The following IPO11 variants were observed in gnomAD, a reference collection of about 807,000 sequenced individuals.
IPO11 encodes the protein importin 11.
A neutral mutation model predicts 143.2 loss-of-function variants in IPO11; 66 were observed. The ratio of observed to expected loss-of-function variants is 0.46; its 90% confidence interval spans 0.38 to 0.57. IPO11 has a LOEUF of 0.57. IPO11 is among the 20% of genes least tolerant of loss of function. The pLI is 0.00. For missense variants in IPO11, 1,026 were observed against 1,141.0 expected, an observed-to-expected ratio of 0.90 and a Z score of 1.45; for synonymous variants, 385 against 377.8, an observed-to-expected ratio of 1.02 and a Z score of -0.22.
chr5:62,474,320 G>T, intron 7 of IPO11, 96 bp from the exon 8 acceptor site: 1 of 696,482 alleles, frequency 1.4e-6, no homozygotes, highest in Non-Finnish European at 2.3e-6. Flanking sequence ...ATTTTTTTAA[G>T]TGATGTGATA....
chr5:62,624,122 C>T (rs1033231182), intron 29 of IPO11, among the ~76,000 whole-genome samples: 1 of 152,060 alleles, frequency 6.6e-6, no homozygotes, highest in Non-Finnish European at 1.5e-5. Context: ...ACAACCTCCA[C>T]CTCCCGGGTT....
intron 26 of IPO11, among the ~76,000 whole-genome samples, chr5:62,551,968 C>G (rs1743402572): frequency 6.6e-6 from 1 of 151,918 alleles, no homozygotes; most frequent in African/African-American, 2.4e-5. Context: ...ACTAAAAATA[C>G]AAAAAATTAG....
At chr5:62,613,980 A>G (rs1356846900) in intron 29 of IPO11, among the ~76,000 whole-genome samples, 4 of 152,188 alleles carry the variant, frequency 2.6e-5, no homozygotes, top group African/African-American at 9.7e-5. Flanking sequence ...TAATTTTTGC[A>G]TGAACCCTTG....
At position 62,470,816 on chromosome 5, in the gene IPO11, C is replaced by CTTTTTTTTTTTTTTTTTTTTTTT. The variant is rs70981015; in HGVS notation, c.708+515_708+537dup. ...TTCATTGTCTGTAGATAGCCATCTTCTTTTTTTTTTTTTTTTTTTTTTTTT... is the reference window on the plus strand; with the variant it reads ...TTCATTGTCTGTAGATAGCCATCTTCTTTTTTTTTTTTTTTTTTTTTTTTTTTTTTTTTTTTTTTTTTTTTTTT... On this transcript the variant is annotated intron_variant, in intron 7 of 29. Coordinates refer to ENST00000325324, the MANE Select transcript of IPO11 (RefSeq NM_016338.5). Among the ~76,000 whole-genome samples, 14 of 62,560 alleles carry CTTTTTTTTTTTTTTTTTTTTTTT rather than the reference C, an allele frequency of 2.2e-4. 2 individuals are homozygous for CTTTTTTTTTTTTTTTTTTTTTTT. Among genetic ancestry groups the CTTTTTTTTTTTTTTTTTTTTTTT allele is most frequent in the Non-Finnish European group, 2.7e-4 (10 of 37,152 alleles). The allele number at this position is 62,560 out of a possible 152,430, so 41.0% of individuals were successfully genotyped here.
chr5:62,463,380 A>C (rs1160415484), intron 5 of IPO11, among the ~76,000 whole-genome samples: 2 of 151,986 alleles, frequency 1.3e-5, no homozygotes, highest in South Asian at 4.1e-4. Context: ...AGGTTTAAAC[A>C]GGGCCAGGCA....
chr5:62,600,781 T>G (rs1333935253), intron 28 of IPO11, among the ~76,000 whole-genome samples: 2 of 152,216 alleles, frequency 1.3e-5, no homozygotes, highest in East Asian at 3.8e-4. Flanking sequence ...TTCTGATTTC[T>G]AGCCTAAGGT....
chr5:62,585,027 G>A (rs1322701479), intron 27 of IPO11, among the ~76,000 whole-genome samples: 1 of 152,128 alleles, frequency 6.6e-6, no homozygotes, highest in Non-Finnish European at 1.5e-5. Flanking sequence ...GAGACCTTAC[G>A]TATATATGTT....
At position 62,551,227 on chromosome 5, in the gene IPO11, A is replaced by G. The variant is rs758688477; in HGVS notation, c.2351A>G (p.Tyr784Cys). 4.4e-6 allele frequency: 7 copies of G among 1,574,110 alleles called. No homozygotes were observed. In the Admixed American group the frequency reaches 5.0e-5, roughly 11 times the overall value. ...VFKGIIEGER[Y>C]PVVMSTYLGV... ...TGTTGTATTTTAATTGTACAGAGGT[A>G]TCCTGTAGTGATGTCCACGTATCTT... Residue 784 changes from tyrosine to cysteine, a missense_variant, in exon 26 of 30, where the codon TAT (tyrosine) becomes TGT (cysteine). Physicochemically the swap from Tyr to Cys is radical, Grantham distance 194. Transcript: ENST00000325324.
rs968355329 is a variant in IPO11, at chr5:62,579,335, G to A, written c.2583-12242G>A. 4 of 991,994 alleles carry A rather than the reference G, an allele frequency of 4.0e-6. No individual in the cohort carries two copies. In the African/African-American group the frequency reaches 6.5e-5, roughly 16 times the overall value. 61.4% of individuals were successfully genotyped at this position (991,994 alleles called of 1,614,324 possible). A position where few individuals can be genotyped will look rare whatever the true frequency, so the allele number is the denominator to read the frequency against. On this transcript the variant is annotated intron_variant, in intron 27 of 29. Coordinates refer to ENST00000325324, the MANE Select transcript of IPO11 (RefSeq NM_016338.5). The stretch of plus-strand genomic sequence containing the variant: ...ATTAAAATAGAATACAGAAGTTATA[G>A]TATTATAAAAAAAATTCATTTGATG...
intron 1 of IPO11, among the ~76,000 whole-genome samples, chr5:62,421,115 A>G (rs1743500403): frequency 1.3e-5 from 2 of 152,182 alleles, no homozygotes; most frequent in African/African-American, 2.4e-5. Flanking sequence ...ATCCCTGATA[A>G]CCAGTGAGAT....
chr5:62,548,793 G>C (rs115683658), intron 24 of IPO11, among the ~76,000 whole-genome samples: 92 of 152,224 alleles, frequency 6.0e-4, no homozygotes, highest in African/African-American at 2.2e-3. Flanking sequence ...TTGGGATTCA[G>C]CTTTCTCTGA....
In IPO11 at chr5:62,419,128, G is replaced by T. The variant is rs762294823; in HGVS notation, c.-7+6199G>T. ...TACTGTAAGCAGTTGTCACAAAATG[G>T]TAAGTATTTGTGTGTTTAAACATGT... On this transcript the variant is annotated intron_variant, in intron 1 of 29. Coordinates refer to ENST00000325324, the MANE Select transcript of IPO11 (RefSeq NM_016338.5). The T allele has an allele frequency of 1.7e-5, 26 of 1,548,472 alleles. No homozygotes were observed. In the East Asian group the frequency reaches 2.7e-4, roughly 16 times the overall value.
chr5:62,588,658 TC>T (rs1744896446), intron 27 of IPO11, among the ~76,000 whole-genome samples: 2 of 152,254 alleles, frequency 1.3e-5, no homozygotes, highest in African/African-American at 4.8e-5. Flanking sequence ...ATTCATACCC[TC>T]AGCTCTTTAA....
intron 19 of IPO11, among the ~76,000 whole-genome samples, chr5:62,515,009 G>T (rs1042711596): frequency 3.3e-5 from 5 of 152,206 alleles, no homozygotes; most frequent in African/African-American, 1.2e-4. Flanking sequence ...GAAGATATTT[G>T]TAGAATGAAT....
At chr5:62,595,606 G>T (rs1393356861) in intron 28 of IPO11, among the ~76,000 whole-genome samples, 1 of 152,042 alleles carries the variant, frequency 6.6e-6, no homozygotes, top group Non-Finnish European at 1.5e-5. Context: ...CAAGATAAAT[G>T]GATAGTCAAC....
chr5:62,446,116 C>T (rs181932828), intron 3 of IPO11, among the ~76,000 whole-genome samples: 193 of 152,232 alleles, frequency 1.3e-3, no homozygotes, highest in Non-Finnish European at 2.5e-3. Context: ...ATCTTGTTTT[C>T]TCATTTGTTT....
chr5:62,448,942 T>C (rs1744813681), intron 3 of IPO11, among the ~76,000 whole-genome samples: 1 of 152,184 alleles, frequency 6.6e-6, no homozygotes, highest in African/African-American at 2.4e-5. Flanking sequence ...GCTATTGTTG[T>C]TGTGTGCTTT....
At chr5:62,454,768 T>C (rs1282855081) in intron 5 of IPO11, among the ~76,000 whole-genome samples, 2 of 152,240 alleles carry the variant, frequency 1.3e-5, no homozygotes, top group South Asian at 4.1e-4. Context: ...TTTATTGCTG[T>C]CATCCTACTG....
chr5:62,484,083 A>G lies in IPO11; in HGVS notation c.1095A>G (p.Ile365Met), dbSNP rs769766867. 1.2e-6 allele frequency: 2 copies of G among 1,609,606 alleles called. No individual in the cohort carries two copies. The highest frequency in any genetic ancestry group is 1.7e-6 in the Non-Finnish European group (2 of 1,177,494). Residue 365 changes from isoleucine (I) to methionine (M), a missense_variant, in exon 11 of 30, where the codon ATA (isoleucine) becomes ATG (methionine). Around this residue, in one of 5 missense-constraint regions of IPO11, gnomAD observed 429 missense variants for 456.3 expected, o/e 0.94. Transcript: ENST00000325324. Reference protein sequence around the residue: ...AFFTYPTLTEICRRLVSHYFL... With the variant: ...AFFTYPTLTEMCRRLVSHYFL... ...TCACATATCCTACTTTGACAGAGAT[A>G]TGTAGAAGATTAGTCTCTCATTATT...
Sources: gnomAD v4.1 joint callset for allele counts (sites outside exome capture counted in the v4.1 genomes callset) on GRCh38, gnomAD v4.1.1 for gene constraint, gnomAD v4.1.1 regional missense constraint, MANE v1.5 for transcripts, NCBI Gene and HGNC (gene_info 2026-07-23, HGNC 2026-07-21) for gene names.